EYA4: variants seen among roughly 807,000 people sequenced by gnomAD.
EYA4 encodes the protein protein phosphatase EYA4.
Under a neutral mutation model 87.9 loss-of-function variants are expected in EYA4, and 31 were observed. The observed-to-expected ratio is 0.35, with a 90% CI of 0.27 to 0.48. EYA4 has a LOEUF of 0.48. Ranked by LOEUF, EYA4 falls within the 20% of genes least tolerant of loss-of-function variation. The probability of loss-of-function intolerance (pLI) is 0.99; values close to 1 mark genes in which losing one functional copy is unlikely to be tolerated. For missense variants in EYA4, 678 were observed against 761.4 expected, an observed-to-expected ratio of 0.89 and a Z score of 1.29; for synonymous variants, 263 against 270.6, an observed-to-expected ratio of 0.97 and a Z score of 0.28.
At chr6:133,339,826 A>G (rs1782650538) in intron 2 of EYA4, among the ~76,000 whole-genome samples, 1 of 152,228 alleles carries the variant, frequency 6.6e-6, no homozygotes. Context: ...TAGGTAGCCA[A>G]AGTGGATAAA....
chr6:133,336,591 A>G (rs62428665), intron 2 of EYA4, among the ~76,000 whole-genome samples: 17,887 of 152,190 alleles, frequency 0.12, 1,322 homozygotes, highest in Non-Finnish European at 0.17. Flanking sequence ...ACAACCAAAC[A>G]AACAATTGTA....
chr6:133,367,201 C>T (rs1220254351), intron 2 of EYA4, among the ~76,000 whole-genome samples: 1 of 152,124 alleles, frequency 6.6e-6, no homozygotes, highest in East Asian at 1.9e-4. Flanking sequence ...ACTGTGTTAG[C>T]TTACAAGCAG....
At chr6:133,290,851 A>G (rs1778432635) in intron 2 of EYA4, among the ~76,000 whole-genome samples, 2 of 152,198 alleles carry the variant, frequency 1.3e-5, no homozygotes, top group African/African-American at 4.8e-5. Flanking sequence ...CACAAATTTG[A>G]AAGCATACTT....
intron 3 of EYA4, among the ~76,000 whole-genome samples, chr6:133,421,787 T>C (rs911027141): frequency 2.0e-5 from 3 of 152,204 alleles, no homozygotes; most frequent in Admixed American, 1.3e-4. Flanking sequence ...ATCAGCTTAA[T>C]CAGGACAGAG....
intron 19 of EYA4, among the ~76,000 whole-genome samples, chr6:133,528,189 C>A (rs1446620528): frequency 6.6e-6 from 1 of 152,146 alleles, no homozygotes; most frequent in Non-Finnish European, 1.5e-5. Context: ...TTGTCCCAGA[C>A]AAGTAAGAAA....
At chr6:133,448,277 G>T in intron 5 of EYA4, 98 bp downstream of exon 5, 1 of 906,340 alleles carries the variant, frequency 1.1e-6, no homozygotes, top group Admixed American at 1.8e-5. Context: ...TCTCTTTTCT[G>T]TGTTCAGTAC....
chr6:133,455,857 A>AG (rs1333233344), intron 5 of EYA4, among the ~76,000 whole-genome samples: 3 of 152,166 alleles, frequency 2.0e-5, no homozygotes, highest in Non-Finnish European at 4.4e-5. Context: ...AATGTGTACT[A>AG]GGCCACTTTG....
intron 2 of EYA4, among the ~76,000 whole-genome samples, chr6:133,276,254 G>A (rs1157711183): frequency 2.0e-5 from 3 of 152,146 alleles, no homozygotes; most frequent in East Asian, 1.9e-4. Flanking sequence ...GTATGTGTGC[G>A]TATATGTTAG....
chr6:133,346,650 C>T (rs770925428), intron 2 of EYA4, among the ~76,000 whole-genome samples: 1 of 152,168 alleles, frequency 6.6e-6, no homozygotes, highest in Non-Finnish European at 1.5e-5. Flanking sequence ...AAGTCCTCCT[C>T]GTAATTTATT....
At chr6:133,293,832 G>A (rs969214264) in intron 2 of EYA4, among the ~76,000 whole-genome samples, 1 of 151,452 alleles carries the variant, frequency 6.6e-6, no homozygotes, top group Non-Finnish European at 1.5e-5. Flanking sequence ...AGCTACTTGG[G>A]AGGCTGAGGT....
intron 1 of EYA4, among the ~76,000 whole-genome samples, chr6:133,255,355 A>G (rs1042179272): frequency 6.6e-6 from 1 of 152,154 alleles, no homozygotes; most frequent in Non-Finnish European, 1.5e-5. Flanking sequence ...GGAGCAAGAG[A>G]GAGGCTTTGG....
At chr6:133,475,162 A>G (rs529693530) in intron 11 of EYA4, among the ~76,000 whole-genome samples, 102 of 152,250 alleles carry the variant, frequency 6.7e-4, no homozygotes, top group African/African-American at 2.4e-3. Context: ...AGGTAGTTTG[A>G]CAGTGGATTT....
In EYA4 at chr6:133,461,188, G is replaced by T; in HGVS notation, c.437+8G>T. 2 of 1,604,266 alleles carry T rather than the reference G, an allele frequency of 1.2e-6. No individual in the cohort carries two copies. The highest frequency in any genetic ancestry group is 1.7e-6 in the Non-Finnish European group (2 of 1,171,102). ...ACAGCTGTATCCTTCCAAGTAAGTG[G>T]TCAGTAGATTCTTGCTTTAAATTGG... On this transcript the variant is annotated splice_region_variant and intron_variant, in intron 7 of 19. Coordinates refer to ENST00000355286, the MANE Select transcript of EYA4 (RefSeq NM_004100.5).
chr6:133,359,355 T>C (rs1254791093), intron 2 of EYA4, among the ~76,000 whole-genome samples: 1 of 152,194 alleles, frequency 6.6e-6, no homozygotes, highest in Non-Finnish European at 1.5e-5. Flanking sequence ...TCTGAGGCCA[T>C]TATTATGTAA....
chr6:133,315,910 A>T (rs1175016929), intron 2 of EYA4, among the ~76,000 whole-genome samples: 3 of 152,218 alleles, frequency 2.0e-5, no homozygotes. Flanking sequence ...AAAGGGGGTG[A>T]TGTAAAATCA....
intron 14 of EYA4, chr6:133,510,708 A>T (rs1201267941): frequency 1.1e-5 from 2 of 181,382 alleles, no homozygotes; most frequent in East Asian, 3.4e-4. Context: ...TTCCTTGGGC[A>T]GTCTCTGCAC....
At chr6:133,357,974 C>T (rs1784194294) in intron 2 of EYA4, among the ~76,000 whole-genome samples, 1 of 150,978 alleles carries the variant, frequency 6.6e-6, no homozygotes, top group Non-Finnish European at 1.5e-5. Flanking sequence ...CTGTTTAGGC[C>T]CTGTTTATCT....
chr6:133,516,478 C>T (rs376860002), intron 17 of EYA4, among the ~76,000 whole-genome samples: 83 of 151,260 alleles, frequency 5.5e-4, no homozygotes, highest in African/African-American at 1.8e-3. Context: ...TTTGGGAGGC[C>T]GAGGCAGGTG....
chr6:133,470,204 T>C, intron 11 of EYA4, among the ~76,000 whole-genome samples: 1 of 131,090 alleles, frequency 7.6e-6, no homozygotes, highest in Non-Finnish European at 1.6e-5. Flanking sequence ...GGTTTTCTTC[T>C]AGGGTTTTTA....
Sources: allele counts gnomAD v4.1 joint callset (sites outside exome capture counted in the v4.1 genomes callset), GRCh38; gene constraint gnomAD v4.1.1; transcripts MANE v1.5; gene names NCBI Gene and HGNC (gene_info 2026-07-23, HGNC 2026-07-21).